Variants in ZNF623 observed in about 807,000 individuals in gnomAD.
ZNF623 encodes zinc finger protein 623.
ZNF623 carries 16 observed loss-of-function variants against 24.0 expected under a neutral mutation model. That is an observed-to-expected ratio of 0.67 (90% CI 0.45 to 1.01). ZNF623 has a LOEUF of 1.01. Among genes scored for constraint, ZNF623 ranks in the 50% least tolerant of loss-of-function variants. The pLI is 0.00. For missense variants in ZNF623, 566 were observed against 606.5 expected (o/e 0.93, Z 0.70); for synonymous variants, 224 against 219.8 (o/e 1.02, Z -0.17).
In ZNF623 at chr8:143,650,742, G is replaced by C; in HGVS notation, c.750G>C (p.Gln250His). The change falls in exon 2 of 2, where the codon CAG becomes CAC. Residue 250 changes from glutamine (Q) to histidine (H), a missense_variant. Gln to His is a conservative substitution (Grantham distance 24, BLOSUM62 0). Around this residue, in one of 3 missense-constraint regions of ZNF623, gnomAD observed 117 missense variants for 174.2 expected, o/e 0.67. Coordinates refer to ENST00000526926, the MANE Select transcript of ZNF623 (RefSeq NM_001261843.2). The surrounding 1 kb of genome is among the most constrained non-coding windows in gnomAD (Gnocchi z 5.2). ...RHYQIHTEVK[Q>H]YECKECGKAF... Reference sequence around the variant, plus strand: ...ATCAGATCCACACAGAAGTGAAACAGTATGAATGCAAAGAATGTGGGAAGG... The same window carrying C: ...ATCAGATCCACACAGAAGTGAAACACTATGAATGCAAAGAATGTGGGAAGG... The C allele has an allele frequency of 6.2e-7, 1 of 1,614,008 alleles. No individual in the cohort carries two copies.
At chr8:143,641,393 C>T (rs1815049565) in intron 1 of ZNF623, among the ~76,000 whole-genome samples, 2 of 151,684 alleles carry the variant, frequency 1.3e-5, no homozygotes, top group African/African-American at 4.9e-5. Context: ...TCTCCCTGTT[C>T]ATCTCCATCA....
chr8:143,637,890 G>C (rs953779665), intron 1 of ZNF623, among the ~76,000 whole-genome samples: 1 of 152,162 alleles, frequency 6.6e-6, no homozygotes, highest in Non-Finnish European at 1.5e-5. Flanking sequence ...TACAACAGGA[G>C]ATGGGTCCAT....
In ZNF623 at chr8:143,650,528, G is replaced by T; in HGVS notation, c.536G>T (p.Ser179Ile). The T allele has an allele frequency of 6.2e-7, 1 of 1,614,194 alleles. No individual in the cohort carries two copies. Among genetic ancestry groups the T allele is most frequent in the Non-Finnish European group, 8.5e-7 (1 of 1,180,044 alleles). Residue 179 changes from serine to isoleucine, a missense_variant, in exon 2 of 2, where the codon AGT (serine) becomes ATT (isoleucine). Ser to Ile is a moderately radical substitution (Grantham distance 142, BLOSUM62 -2). Coordinates refer to ENST00000526926, the MANE Select transcript of ZNF623 (RefSeq NM_001261843.2). This position sits in a 1 kb window ranked among gnomAD's most constrained non-coding sequence, Gnocchi z 5.2. ...CAQCGKAFCH[S>I]SDLIRHQRVH... ...CAGTGTGGGAAGGCGTTTTGTCACA[G>T]TTCAGACCTGATTAGGCACCAGAGA...
chr8:143,636,625 C>T (rs1814930451), intron 1 of ZNF623, among the ~76,000 whole-genome samples: 1 of 152,154 alleles, frequency 6.6e-6, no homozygotes, highest in African/African-American at 2.4e-5. Context: ...CTCGAGGCCT[C>T]TCGGTGCTGG....
chr8:143,639,848 C>T (rs994249072), intron 1 of ZNF623, among the ~76,000 whole-genome samples: 1 of 152,176 alleles, frequency 6.6e-6, no homozygotes, highest in Admixed American at 6.6e-5. Flanking sequence ...GCCTCATCAG[C>T]ACTGTGGGGA....
intron 1 of ZNF623, among the ~76,000 whole-genome samples, chr8:143,640,995 T>C (rs979069112): frequency 1.3e-5 from 2 of 148,248 alleles, no homozygotes; most frequent in Non-Finnish European, 3.0e-5. Flanking sequence ...CATTCAAGTT[T>C]GATCACGAGA....
chr8:143,645,273 C>T (rs1815150302), intron 1 of ZNF623, among the ~76,000 whole-genome samples: 1 of 152,104 alleles, frequency 6.6e-6, no homozygotes, highest in African/African-American at 2.4e-5. Context: ...AACCCCGTCT[C>T]TCCTAAAAAT....
At chr8:143,639,013 C>T (rs1311941979) in intron 1 of ZNF623, among the ~76,000 whole-genome samples, 3 of 151,426 alleles carry the variant, frequency 2.0e-5, no homozygotes, top group Admixed American at 1.3e-4. Flanking sequence ...CTGCCTCAGC[C>T]TCTCGAGAAG....
rs760669056 is a variant in ZNF623 at position 143,650,341 on chromosome 8, G to A, written c.349G>A (p.Gly117Arg). ...GEKPYTCDQC[G>R]KGFGQSSHLM... is the part of the protein sequence containing the mutation. ...GAAACCTTACACGTGCGATCAGTGT[G>A]GGAAAGGCTTTGGCCAGAGCTCACA... is the stretch of plus-strand genomic sequence containing the variant. Residue 117 changes from glycine (G) to arginine (R), a missense_variant, in exon 2 of 2, where the codon GGG becomes AGG. Around this residue, in one of 3 missense-constraint regions of ZNF623, gnomAD observed 313 missense variants for 300.4 expected, o/e 1.04. Transcript: ENST00000526926. The surrounding 1 kb of genome is among the most constrained non-coding windows in gnomAD (Gnocchi z 5.2). 4.3e-6 allele frequency: 7 copies of A among 1,614,232 alleles called. No homozygotes were observed. In the East Asian group the frequency reaches 1.6e-4, roughly 36 times the overall value.
At chr8:143,648,080 G>A (rs1163132676) in intron 1 of ZNF623, among the ~76,000 whole-genome samples, 1 of 152,250 alleles carries the variant, frequency 6.6e-6, no homozygotes, top group African/African-American at 2.4e-5. Flanking sequence ...TGAGGAGCTG[G>A]TCAGGTGTTG....
chr8:143,645,540 A>C (rs1299253100), intron 1 of ZNF623, among the ~76,000 whole-genome samples: 1 of 152,130 alleles, frequency 6.6e-6, no homozygotes, highest in East Asian at 1.9e-4. Context: ...CTGCTTTCAG[A>C]GAGTGGATTC....
intron 1 of ZNF623, among the ~76,000 whole-genome samples, chr8:143,638,952 G>A (rs1396017582): frequency 6.6e-6 from 1 of 151,920 alleles, no homozygotes; most frequent in Non-Finnish European, 1.5e-5. Context: ...GAGTGCAATG[G>A]CGCGATCTCA....
In ZNF623 at chr8:143,651,045, T is replaced by C; in HGVS notation, c.1053T>C (p.Ile351=). ...GKAFFLSSYL[I]RHQKIHTGER... Reference sequence around the variant, plus strand: ...CTTTCTTTCTGAGTTCATACCTTATTCGACACCAGAAAATCCACACTGGAG... The same window carrying C: ...CTTTCTTTCTGAGTTCATACCTTATCCGACACCAGAAAATCCACACTGGAG... The change falls in exon 2 of 2, where the codon ATT becomes ATC. Residue 351 remains isoleucine (I), a synonymous_variant. Transcript: ENST00000526926. 1 of 1,614,090 alleles carries C rather than the reference T, an allele frequency of 6.2e-7. No homozygotes were observed. The highest frequency in any genetic ancestry group is 8.5e-7 in the Non-Finnish European group (1 of 1,180,026).
In ZNF623 at chr8:143,650,784, A is replaced by G. The variant is rs1214058224; in HGVS notation, c.792A>G (p.Ser264=). 6.2e-7 allele frequency: 1 copy of G among 1,614,228 alleles called. No homozygotes were observed. Among genetic ancestry groups the G allele is most frequent in the Non-Finnish European group, 8.5e-7 (1 of 1,180,036 alleles). The stretch of plus-strand genomic sequence containing the variant: ...GTGGGAAGGCATTCCGTCATCGCTC[A>G]GACCTTATTGAACACCAGAGAATTC... ...KECGKAFRHR[S]DLIEHQRIHT... Residue 264 remains serine (S), a synonymous_variant, in exon 2 of 2, where the codon TCA becomes TCG. Transcript: ENST00000526926. This position sits in a 1 kb window ranked among gnomAD's most constrained non-coding sequence, Gnocchi z 5.2.
intron 1 of ZNF623, among the ~76,000 whole-genome samples, chr8:143,642,487 G>T (rs1815077770): frequency 6.6e-6 from 1 of 152,180 alleles, no homozygotes. Flanking sequence ...TTCCTTCTGG[G>T]GCTTTTCCTT....
Position 143,650,849 on chromosome 8 carries a change from A to G in ZNF623, c.857A>G (p.Lys286Arg), listed in dbSNP as rs1372151836. ...ERPFECNECG[K>R]AFIRSSKLIQ... ...CCCTTTGAATGCAATGAGTGTGGGA[A>G]AGCCTTTATTCGGAGTTCAAAGCTC... The change falls in exon 2 of 2, where the codon AAA becomes AGA. Residue 286 changes from lysine to arginine, a missense_variant. By Grantham distance (26) the Lys-to-Arg change is conservative. Around this residue, in one of 3 missense-constraint regions of ZNF623, gnomAD observed 117 missense variants for 174.2 expected, o/e 0.67. Coordinates refer to ENST00000526926, the MANE Select transcript of ZNF623 (RefSeq NM_001261843.2). The surrounding 1 kb of genome is among the most constrained non-coding windows in gnomAD (Gnocchi z 5.2). The G allele has an allele frequency of 6.2e-7, 1 of 1,614,220 alleles. No individual in the cohort carries two copies. Among genetic ancestry groups the G allele is most frequent in the East Asian group, 2.2e-5 (1 of 44,886 alleles).
chr8:143,638,609 G>A (rs536757409), intron 1 of ZNF623, among the ~76,000 whole-genome samples: 60 of 151,622 alleles, frequency 4.0e-4, no homozygotes, highest in African/African-American at 1.1e-3. Flanking sequence ...GTGGTGGCAG[G>A]CGCCCATAAT....
intron 1 of ZNF623, among the ~76,000 whole-genome samples, chr8:143,640,809 C>T (rs890959349): frequency 1.6e-4 from 24 of 151,908 alleles, no homozygotes; most frequent in African/African-American, 5.6e-4. Flanking sequence ...GGCGTGGTGG[C>T]GCACTCCTGT....
At chr8:143,636,292 G>C (rs1421743573) in intron 1 of ZNF623, 147 bp downstream of exon 1, 1 of 152,176 alleles carries the variant, frequency 6.6e-6, no homozygotes, top group East Asian at 1.9e-4. Flanking sequence ...AGGGCGTCCA[G>C]GAGCGGGGCC....
Sources: allele counts gnomAD v4.1 joint callset (sites outside exome capture counted in the v4.1 genomes callset), GRCh38; gene constraint gnomAD v4.1.1; regional missense constraint gnomAD v4.1.1; non-coding constraint Gnocchi (gnomAD v3.1); transcripts MANE v1.5; gene names NCBI Gene and HGNC (gene_info 2026-07-23, HGNC 2026-07-21).